The following CEP83 variants were observed in gnomAD, a reference collection of about 807,000 sequenced individuals.
CEP83 encodes centrosomal protein of 83 kDa.
CEP83 carries 70 observed loss-of-function variants against 101.9 expected under a neutral mutation model. The observed-to-expected ratio is 0.69, with a 90% confidence interval of 0.57 to 0.84. The LOEUF is 0.84. Among genes scored for constraint, CEP83 ranks in the 40% least tolerant of loss-of-function variants. The pLI is 0.00. For missense variants in CEP83, 715 were observed against 787.2 expected (o/e 0.91, Z 1.10); for synonymous variants, 264 against 267.9 (o/e 0.99, Z 0.14).
At chr12:94,355,739 C>T (rs1199056658) in intron 11 of CEP83, among the ~76,000 whole-genome samples, 2 of 152,180 alleles carry the variant, frequency 1.3e-5, no homozygotes, top group Non-Finnish European at 2.9e-5. Flanking sequence ...ACACCTGGCC[C>T]GCCCAGGGTG....
chr12:94,326,872 T>C (rs1429763994), intron 14 of CEP83, among the ~76,000 whole-genome samples: 1 of 152,220 alleles, frequency 6.6e-6, no homozygotes, highest in Non-Finnish European at 1.5e-5. Context: ...AGGATGCTCC[T>C]GCTGGCACTC....
intron 2 of CEP83, among the ~76,000 whole-genome samples, chr12:94,416,575 A>ACACACACAC (rs1566141713): frequency 7.4e-6 from 1 of 134,366 alleles, no homozygotes; most frequent in Admixed American, 7.2e-5. Context: ...CACACACACA[A>ACACACACAC]AAAAAAAAAA....
intron 11 of CEP83, among the ~76,000 whole-genome samples, chr12:94,357,125 T>G (rs78870199): frequency 6.6e-6 from 1 of 152,288 alleles, no homozygotes; most frequent in African/African-American, 2.4e-5. Flanking sequence ...GGATATAGTG[T>G]TGCAGTTATT....
chr12:94,421,883 G>A lies in CEP83; in HGVS notation c.-101-9292C>T, dbSNP rs527758197. 2.7e-3 allele frequency among the ~76,000 whole-genome samples: 415 copies of A among 152,312 alleles called. 2 individuals are homozygous for A. The highest frequency in any genetic ancestry group is 4.4e-3 in the Non-Finnish European group (302 of 68,022). ...AAGGGACTTTCCTTCCAGTCTAATT[G>A]AGAATAAATAGTAGCCTCTCTTAGA... On this transcript the variant is annotated intron_variant, in intron 2 of 16. Coordinates refer to ENST00000397809, the MANE Select transcript of CEP83 (RefSeq NM_016122.3).
chr12:94,305,118 C>CA (rs1404134265), downstream of CEP83: 5 of 1,021,978 alleles, frequency 4.9e-6, no homozygotes, highest in Admixed American at 2.1e-5. Flanking sequence ...ATCAGGTATG[C>CA]AAAAAACAGA....
chr12:94,367,764 A>G (rs984750586), intron 11 of CEP83, 30 bp downstream of exon 11: 6 of 1,504,834 alleles, frequency 4.0e-6, no homozygotes, highest in Non-Finnish European at 5.3e-6. Flanking sequence ...TTTCAACATG[A>G]AAAACTTTAA....
rs183215703 is a variant in CEP83, at chr12:94,420,720, T to C, written c.-101-8129A>G. ...ACCCCTGCTATAGATACTCTATATA[T>C]ATAGGGTGAATATTACAGACATATT... On this transcript the variant is annotated intron_variant, in intron 2 of 16. Transcript: ENST00000397809. Among the ~76,000 whole-genome samples the C allele has an allele frequency of 7.9e-4, 120 of 152,212 alleles. 1 individual carries two copies. The East Asian group carries it at 0.022, about 28-fold the overall frequency.
chr12:94,404,247 T>C (rs1162434832), intron 4 of CEP83, among the ~76,000 whole-genome samples: 1 of 151,930 alleles, frequency 6.6e-6, no homozygotes, highest in Non-Finnish European at 1.5e-5. Flanking sequence ...CAAATAACTA[T>C]AAAAGTAGGC....
rs551856197 is a variant in CEP83, at chr12:94,427,731, TG to T, written c.-102+7543del. On this transcript the variant is annotated intron_variant, in intron 2 of 16. Coordinates refer to ENST00000397809, the MANE Select transcript of CEP83 (RefSeq NM_016122.3). ...TACTACATGCCCTCAAAGTGAATGA[TG>T]TTTTTTAAAAAACAACATTAAAAGT... Among the ~76,000 whole-genome samples the T allele has an allele frequency of 1.7e-3, 252 of 152,358 alleles. 1 individual carries two copies. Among genetic ancestry groups the T allele is most frequent in the African/African-American group, 5.6e-3 (233 of 41,588 alleles).
chr12:94,365,315 A>G (rs2060968100), intron 11 of CEP83, among the ~76,000 whole-genome samples: 3 of 152,312 alleles, frequency 2.0e-5, no homozygotes, highest in Middle Eastern at 3.4e-3. Context: ...TAAGATGCAA[A>G]GTGATATAAT....
intron 4 of CEP83, among the ~76,000 whole-genome samples, chr12:94,408,550 T>C (rs185301213): frequency 2.0e-5 from 3 of 152,272 alleles, no homozygotes; most frequent in African/African-American, 7.2e-5. Context: ...AATAACAACA[T>C]GTACTGACCA....
intron 14 of CEP83, among the ~76,000 whole-genome samples, chr12:94,317,096 T>A (rs548210955): frequency 2.6e-5 from 4 of 152,198 alleles, no homozygotes; most frequent in African/African-American, 7.2e-5. Flanking sequence ...GCTATTTTTT[T>A]ATTTTTTAAT....
At position 94,363,721 on chromosome 12, in the gene CEP83, G is replaced by A. The variant is rs1565991746; in HGVS notation, c.1343+4073C>T. ...CTCAGCACTTTGGGAGGCTGAGGTG[G>A]GCAAATCACCTGAGGTCATGAGTTC... On this transcript the variant is annotated intron_variant, in intron 11 of 16. Coordinates refer to ENST00000397809, the MANE Select transcript of CEP83 (RefSeq NM_016122.3). Among the ~76,000 whole-genome samples, 3 of 152,132 alleles carry A rather than the reference G, an allele frequency of 2.0e-5. No homozygotes were observed. In the South Asian group the frequency reaches 6.2e-4, roughly 32 times the overall value.
chr12:94,428,090 T>G (rs1207425901), intron 2 of CEP83, among the ~76,000 whole-genome samples: 1 of 152,228 alleles, frequency 6.6e-6, no homozygotes, highest in Non-Finnish European at 1.5e-5. Context: ...AATTAAAATG[T>G]TATTCTATTT....
At chr12:94,374,532 T>G (rs1220425180) in intron 8 of CEP83, among the ~76,000 whole-genome samples, 1 of 152,216 alleles carries the variant, frequency 6.6e-6, no homozygotes, top group Non-Finnish European at 1.5e-5. Flanking sequence ...GTTATAAGCT[T>G]TCAATGTGTA....
At chr12:94,423,912 C>T in intron 2 of CEP83, 3 of 1,610,694 alleles carry the variant, frequency 1.9e-6, no homozygotes, top group Middle Eastern at 1.7e-4. Context: ...ATATACATGC[C>T]TGTGCTGCTG....
chr12:94,412,328 C>G lies in CEP83; in HGVS notation c.163G>C (p.Glu55Gln). ...HKANYQTLKA[E>Q]HTRLQNEHVK... is the part of the protein sequence containing the mutation. ...ATTTAAGTAATTTACCTTGTGTGTT[C>G]AGCCTTCAGTGTCTGATAATTAGCT... The change falls in exon 3 of 17, where the codon GAA (glutamate) becomes CAA (glutamine). Residue 55 changes from glutamate to glutamine, a missense_variant. Glu to Gln is a conservative substitution (Grantham distance 29). Transcript: ENST00000397809. The G allele has an allele frequency of 6.2e-7, 1 of 1,602,254 alleles. No homozygotes were observed. Among genetic ancestry groups the G allele is most frequent in the Non-Finnish European group, 8.5e-7 (1 of 1,176,108 alleles).
chr12:94,376,471 GA>G (rs1437058857), intron 7 of CEP83, among the ~76,000 whole-genome samples: 2 of 151,724 alleles, frequency 1.3e-5, no homozygotes, highest in Non-Finnish European at 2.9e-5. Context: ...AAGAAACAGG[GA>G]AAGATATGAT....
At chr12:94,338,563 A>C (rs1438961455) in intron 11 of CEP83, among the ~76,000 whole-genome samples, 1 of 152,160 alleles carries the variant, frequency 6.6e-6, no homozygotes, top group Admixed American at 6.5e-5. Context: ...AGTTTTCAGC[A>C]GGGGGAGAGG....
Sources: gnomAD v4.1 joint callset for allele counts (sites outside exome capture counted in the v4.1 genomes callset) on GRCh38, gnomAD v4.1.1 for gene constraint, MANE v1.5 for transcripts, NCBI Gene and HGNC (gene_info 2026-07-23, HGNC 2026-07-21) for gene names.